GTF3C2: variants seen among roughly 807,000 people sequenced by gnomAD.
GTF3C2 encodes the protein general transcription factor 3C polypeptide 2.
Under a neutral mutation model 117.4 loss-of-function variants are expected in GTF3C2, and 17 were observed. The ratio of observed to expected loss-of-function variants is 0.14; its 90% confidence interval spans 0.10 to 0.22. The LOEUF is 0.22. Among genes scored for constraint, GTF3C2 ranks in the 10% least tolerant of loss-of-function variants. The pLI is 1.00. For missense variants in GTF3C2, 888 were observed against 1,143.6 expected (o/e 0.78, Z 3.22); for synonymous variants, 437 against 427.0 (o/e 1.02, Z -0.29).
At chr2:27,348,139 G>A (rs1307184140) in intron 1 of GTF3C2, among the ~76,000 whole-genome samples, 5 of 152,066 alleles carry the variant, frequency 3.3e-5, no homozygotes, top group Non-Finnish European at 7.4e-5. Flanking sequence ...GTGGTGCCGC[G>A]TGCCTTAATC....
chr2:27,333,604 T>TA (rs755413830), intron 12 of GTF3C2, 51 bp downstream of exon 12: 2 of 1,289,134 alleles, frequency 1.6e-6, no homozygotes, highest in Non-Finnish European at 2.2e-6. Context: ...CAAGCATATA[T>TA]AAAAAATTTA....
intron 1 of GTF3C2, among the ~76,000 whole-genome samples, chr2:27,345,636 C>T (rs1217690772): frequency 6.6e-6 from 1 of 151,344 alleles, no homozygotes; most frequent in Non-Finnish European, 1.5e-5. Context: ...GCCCTGCTAT[C>T]AATATTTCAC....
chr2:27,341,842 G>A, intron 4 of GTF3C2, 106 bp downstream of exon 4: 14 of 949,624 alleles, frequency 1.5e-5, no homozygotes, highest in Non-Finnish European at 2.2e-5. Context: ...AACCTGTTTT[G>A]TCTATTATAG....
chr2:27,350,643 A>AAT (rs397815295), intron 1 of GTF3C2: 7 of 313,182 alleles, frequency 2.2e-5, no homozygotes, highest in African/African-American at 4.5e-5. Flanking sequence ...CTGCAAAAAA[A>AAT]TTTTTTTTGA....
At chr2:27,337,611 G>T in intron 5 of GTF3C2, 53 bp from the exon 6 acceptor site, 1 of 1,215,464 alleles carries the variant, frequency 8.2e-7, no homozygotes, top group Non-Finnish European at 1.2e-6. Context: ...CAGCCGCACA[G>T]TCCAATAAAA....
chr2:27,344,987 T>C (rs1680868209), intron 1 of GTF3C2, among the ~76,000 whole-genome samples: 1 of 151,440 alleles, frequency 6.6e-6, no homozygotes. Flanking sequence ...TAAAAACATT[T>C]AAAAATAATT....
exon 3 of GTF3C2, chr2:27,343,066 C>T (rs1382950176): frequency 6.2e-7 from 1 of 1,613,676 alleles, no homozygotes; most frequent in East Asian, 2.2e-5. Flanking sequence ...CCTTTTGGGG[C>T]CTTTTCGTGT....
At chr2:27,339,059 T>C (rs868357981) in intron 4 of GTF3C2, among the ~76,000 whole-genome samples, 1 of 152,148 alleles carries the variant, frequency 6.6e-6, no homozygotes, top group Non-Finnish European at 1.5e-5. Flanking sequence ...CTAGACAGTG[T>C]TGTGGCAAGC....
chr2:27,335,396 T>C, intron 10 of GTF3C2: 2 of 703,434 alleles, frequency 2.8e-6, no homozygotes, highest in South Asian at 3.0e-5. Flanking sequence ...AAAGGAAATG[T>C]GCTGAAAGAG....
intron 1 of GTF3C2, among the ~76,000 whole-genome samples, chr2:27,348,458 A>C (rs545645490): frequency 6.6e-6 from 1 of 152,010 alleles, no homozygotes; most frequent in Non-Finnish European, 1.5e-5. Flanking sequence ...AAACAAAAAA[A>C]CCGAAAACAT....
intron 12 of GTF3C2, among the ~76,000 whole-genome samples, chr2:27,330,472 A>G (rs1271219815): frequency 6.8e-6 from 1 of 148,118 alleles, no homozygotes; most frequent in Non-Finnish European, 1.5e-5. Context: ...AAAAAAAAAG[A>G]AAAAAAAAAG....
At chr2:27,333,676 G>C (rs1199586751) in exon 12 of GTF3C2, 2 of 1,611,316 alleles carry the variant, frequency 1.2e-6, no homozygotes, top group Non-Finnish European at 1.7e-6. Context: ...CCAGCAGCTA[G>C]GTGTTGGTGG....
chr2:27,349,170 C>G (rs778602066), intron 1 of GTF3C2, among the ~76,000 whole-genome samples: 1 of 110,152 alleles, frequency 9.1e-6, no homozygotes, highest in African/African-American at 3.7e-5. Context: ...TTTTTTGAGA[C>G]AGAGTCTTGC....
At chr2:27,352,764 T>A (rs1681178628) in intron 1 of GTF3C2, among the ~76,000 whole-genome samples, 1 of 152,142 alleles carries the variant, frequency 6.6e-6, no homozygotes, top group South Asian at 2.1e-4. Context: ...GTCCCCCAAC[T>A]CATCAGTGAA....
chr2:27,329,133 T>C lies in GTF3C2; in HGVS notation c.2027A>G (p.Asn676Ser). The C allele has an allele frequency of 6.2e-7, 1 of 1,614,140 alleles. No individual in the cohort carries two copies. The highest frequency in any genetic ancestry group is 8.5e-7 in the Non-Finnish European group (1 of 1,180,010). The change falls in exon 14 of 19, where the codon AAC becomes AGC. Residue 676 changes from asparagine to serine, a missense_variant. Transcript: ENST00000264720. This position sits in a 1 kb window ranked among gnomAD's most constrained non-coding sequence, Gnocchi z 4.5. ...CATCTTGCCGTACGAGGCATAGCAG[T>C]TGTCCTGAGCCACAGTGACACCATT... is the stretch of plus-strand genomic sequence containing the variant.
intron 4 of GTF3C2, among the ~76,000 whole-genome samples, chr2:27,338,462 A>C (rs564674291): frequency 0.03 from 1,128 of 38,064 alleles, 16 homozygotes; most frequent in East Asian, 0.087. Flanking sequence ...GCACGCGCGC[A>C]CACACACACA....
At chr2:27,348,041 C>A (rs970315174) in intron 1 of GTF3C2, among the ~76,000 whole-genome samples, 1 of 152,146 alleles carries the variant, frequency 6.6e-6, no homozygotes, top group Admixed American at 6.6e-5. Context: ...GAGGCCCGGA[C>A]GGGCCAATCA....
chr2:27,330,322 T>C (rs1680234090), intron 12 of GTF3C2, among the ~76,000 whole-genome samples: 1 of 150,918 alleles, frequency 6.6e-6, no homozygotes, highest in Non-Finnish European at 1.5e-5. Flanking sequence ...AATTAGCCAG[T>C]GTGGTGGTGT....
chr2:27,335,756 G>A (rs1475817698), intron 9 of GTF3C2, 50 bp from the exon 10 acceptor site: 1 of 1,305,514 alleles, frequency 7.7e-7, no homozygotes, highest in African/African-American at 1.5e-5. Flanking sequence ...CTGACTCACA[G>A]AAAACCTTTG....
Sources: allele counts gnomAD v4.1 joint callset (sites outside exome capture counted in the v4.1 genomes callset), GRCh38; gene constraint gnomAD v4.1.1; non-coding constraint Gnocchi (gnomAD v3.1); transcripts MANE v1.5; gene names NCBI Gene and HGNC (gene_info 2026-07-23, HGNC 2026-07-21).